The following NDST3 variants were observed in gnomAD, a reference collection of about 807,000 sequenced individuals.
NDST3 encodes N-deacetylase and N-sulfotransferase 3.
In NDST3, 58 loss-of-function variants were observed where a neutral mutation model predicts 96.1. That is an observed-to-expected ratio of 0.60 (90% CI 0.49 to 0.75). The LOEUF (loss-of-function observed/expected upper bound fraction) is 0.75. Ranked by LOEUF, NDST3 falls within the 30% of genes least tolerant of loss-of-function variation. NDST3 has a pLI of 0.00. For synonymous variants in NDST3, 333 were observed against 359.7 expected (o/e 0.93, Z 0.84); for missense variants, 788 against 1,034.2 (o/e 0.76, Z 3.27).
chr4:118,083,017 C>T (rs1341983731), intron 2 of NDST3, among the ~76,000 whole-genome samples: 3 of 152,116 alleles, frequency 2.0e-5, no homozygotes, highest in African/African-American at 7.2e-5. Context: ...AGGAAATCAA[C>T]CCCACATGAT....
intron 4 of NDST3, 75 bp from the exon 5 acceptor site, chr4:118,137,979 A>C: frequency 8.0e-7 from 1 of 1,246,682 alleles, no homozygotes; most frequent in Non-Finnish European, 1.1e-6. Flanking sequence ...TTTACAGTAC[A>C]TTTGAAAATC....
intron 6 of NDST3, among the ~76,000 whole-genome samples, chr4:118,147,906 A>T (rs1734068851): frequency 6.6e-6 from 1 of 152,192 alleles, no homozygotes; most frequent in Non-Finnish European, 1.5e-5. Flanking sequence ...GTCATTAACA[A>T]CTATAGATAT....
At chr4:118,053,595 T>C (rs1210885836) in intron 1 of NDST3, among the ~76,000 whole-genome samples, 161 bp from the exon 2 acceptor site, 1 of 151,904 alleles carries the variant, frequency 6.6e-6, no homozygotes, top group African/African-American at 2.4e-5. Flanking sequence ...ACCAGTCCCA[T>C]GTCCTCACAC....
intron 6 of NDST3, among the ~76,000 whole-genome samples, chr4:118,214,781 G>A (rs578170495): frequency 2.0e-5 from 3 of 152,276 alleles, no homozygotes; most frequent in Admixed American, 6.5e-5. Context: ...AATAAGAAAT[G>A]AGGATCTGGT....
intron 6 of NDST3, among the ~76,000 whole-genome samples, chr4:118,221,985 T>C (rs1417250516): frequency 7.1e-6 from 1 of 140,968 alleles, no homozygotes; most frequent in Non-Finnish European, 1.6e-5. Context: ...TTGATCAATT[T>C]TCCATCTAAA....
chr4:118,168,129 C>G (rs1331351841), intron 6 of NDST3, among the ~76,000 whole-genome samples: 1 of 151,642 alleles, frequency 6.6e-6, no homozygotes, highest in Non-Finnish European at 1.5e-5. Context: ...AGGGAAAATG[C>G]AACCTATGGA....
intron 6 of NDST3, among the ~76,000 whole-genome samples, chr4:118,224,127 A>C (rs1341151465): frequency 6.6e-6 from 1 of 152,164 alleles, no homozygotes; most frequent in African/African-American, 2.4e-5. Context: ...GAGATGTTTT[A>C]TATTGGGAAT....
intron 6 of NDST3, among the ~76,000 whole-genome samples, chr4:118,172,182 C>G (rs916108517): frequency 6.6e-5 from 10 of 152,160 alleles, no homozygotes; most frequent in African/African-American, 2.4e-4. Context: ...AGGGCTGAGG[C>G]ATTCATTTGG....
At chr4:118,208,402 T>C (rs1738580895) in intron 6 of NDST3, among the ~76,000 whole-genome samples, 1 of 144,130 alleles carries the variant, frequency 6.9e-6, no homozygotes, top group South Asian at 2.3e-4. Flanking sequence ...TCTGCAGAGA[T>C]GCCTTTCTAG....
chr4:118,091,070 A>C (rs867059311), intron 2 of NDST3, among the ~76,000 whole-genome samples: 1 of 151,788 alleles, frequency 6.6e-6, no homozygotes, highest in Admixed American at 6.6e-5. Context: ...TCAAAAAAAA[A>C]ACAAAAATGC....
At chr4:118,194,688 C>A in intron 6 of NDST3, 2 of 613,702 alleles carry the variant, frequency 3.3e-6, no homozygotes. Context: ...ATGTCCACTC[C>A]CTCCATGGGA....
chr4:118,147,482 T>G (rs13114867), intron 6 of NDST3, among the ~76,000 whole-genome samples: 45,113 of 152,084 alleles, frequency 0.3, 7,068 homozygotes, highest in African/African-American at 0.37. Flanking sequence ...AAAATTGTGA[T>G]ATTCTATTTA....
chr4:118,086,990 T>C (rs926067618), intron 2 of NDST3, among the ~76,000 whole-genome samples: 4 of 152,142 alleles, frequency 2.6e-5, no homozygotes, highest in Admixed American at 2.6e-4. Context: ...AAAAATGAAT[T>C]GAAAGATTTG....
chr4:118,199,721 T>C (rs1254119782), intron 6 of NDST3, among the ~76,000 whole-genome samples: 1 of 152,176 alleles, frequency 6.6e-6, no homozygotes, highest in Non-Finnish European at 1.5e-5. Context: ...TTTCCAGATA[T>C]TCAAAAGGAC....
At chr4:118,221,806 T>C (rs1400179023) in intron 6 of NDST3, among the ~76,000 whole-genome samples, 1 of 152,016 alleles carries the variant, frequency 6.6e-6, no homozygotes, top group Non-Finnish European at 1.5e-5. Context: ...ACATTATGCC[T>C]TTGGCAGTTT....
intron 6 of NDST3, among the ~76,000 whole-genome samples, chr4:118,168,315 G>T (rs1371443552): frequency 6.6e-6 from 1 of 151,950 alleles, no homozygotes; most frequent in Non-Finnish European, 1.5e-5. Context: ...CATATGAAAA[G>T]AAATTATAGG....
At chr4:118,073,325 G>C (rs1408456409) in intron 2 of NDST3, among the ~76,000 whole-genome samples, 2 of 152,088 alleles carry the variant, frequency 1.3e-5, no homozygotes, top group African/African-American at 4.8e-5. Context: ...ATGTCTGGTA[G>C]AATTCAGCTG....
intron 6 of NDST3, among the ~76,000 whole-genome samples, chr4:118,151,838 G>T (rs1560681501): frequency 6.6e-6 from 1 of 152,006 alleles, no homozygotes; most frequent in African/African-American, 2.4e-5. Flanking sequence ...TAGTGTAGGG[G>T]TCACCTTCCT....
chr4:118,120,314 G>A (rs776797553), intron 4 of NDST3, among the ~76,000 whole-genome samples: 3 of 152,026 alleles, frequency 2.0e-5, no homozygotes, highest in Non-Finnish European at 2.9e-5. Flanking sequence ...AAGCACCAGG[G>A]TCGCTCAGGA....
Sources: gnomAD v4.1 joint callset for allele counts (sites outside exome capture counted in the v4.1 genomes callset) on GRCh38, gnomAD v4.1.1 for gene constraint, MANE v1.5 for transcripts, NCBI Gene and HGNC (gene_info 2026-07-23, HGNC 2026-07-21) for gene names.